SLC44A5: variants seen among roughly 807,000 people sequenced by gnomAD.
SLC44A5 encodes the protein solute carrier family 44 member 5.
A neutral mutation model predicts 101.8 loss-of-function variants in SLC44A5; 57 were observed. The observed-to-expected ratio is 0.56, with a 90% CI of 0.45 to 0.70. SLC44A5 has a LOEUF of 0.70. SLC44A5 is among the 30% of genes least tolerant of loss of function. SLC44A5 has a pLI of 0.00. For missense variants in SLC44A5, 737 were observed against 853.1 expected (o/e 0.86, Z 1.70); for synonymous variants, 281 against 290.9 (o/e 0.97, Z 0.35).
chr1:75,619,088 G>A, the SLC44A5 span, among the ~76,000 whole-genome samples: 1 of 73,786 alleles, frequency 1.4e-5, no homozygotes. Flanking sequence ...AAGGGGGGGG[G>A]GAAGGAAAGA....
intron 1 of SLC44A5, among the ~76,000 whole-genome samples, chr1:75,595,492 A>T (rs1674581171): frequency 6.6e-6 from 1 of 152,156 alleles, no homozygotes; most frequent in Non-Finnish European, 1.5e-5. Context: ...TCCCTATTTG[A>T]AACCTGAAAG....
chr1:75,499,962 C>G (rs1157137079), intron 2 of SLC44A5, among the ~76,000 whole-genome samples: 1 of 152,044 alleles, frequency 6.6e-6, no homozygotes, highest in Admixed American at 6.6e-5. Flanking sequence ...ATTACTAGAC[C>G]CTGCCCATAA....
At chr1:75,466,502 A>C (rs1666825014) in intron 2 of SLC44A5, among the ~76,000 whole-genome samples, 1 of 152,038 alleles carries the variant, frequency 6.6e-6, no homozygotes, top group African/African-American at 2.4e-5. Flanking sequence ...TAAAAATACA[A>C]AAAGTTAGCT....
At chr1:75,615,422 C>T (rs1355139089), upstream of SLC44A5, among the ~76,000 whole-genome samples, 1 of 107,868 alleles carries the variant, frequency 9.3e-6, no homozygotes, top group Non-Finnish European at 1.9e-5. Context: ...CTCTTACACA[C>T]ACACACACAT....
chr1:75,251,431 C>G (rs1203028078), intron 6 of SLC44A5, 137 bp from the exon 7 acceptor site: 7 of 617,290 alleles, frequency 1.1e-5, no homozygotes, highest in Non-Finnish European at 2.0e-5. Flanking sequence ...TTCTCCCTCT[C>G]CCTTAGGTAC....
At chr1:75,486,131 A>C (rs1016921210) in intron 2 of SLC44A5, among the ~76,000 whole-genome samples, 2 of 152,220 alleles carry the variant, frequency 1.3e-5, no homozygotes, top group African/African-American at 4.8e-5. Flanking sequence ...CAATATGACA[A>C]CATTTTCAAA....
chr1:75,709,746 G>GT, the SLC44A5 span, among the ~76,000 whole-genome samples: 7 of 151,652 alleles, frequency 4.6e-5, no homozygotes, highest in Admixed American at 6.6e-5. Flanking sequence ...CCTATTTTTA[G>GT]TTTTTTTTCT....
chr1:75,373,670 C>T (rs549054230), intron 3 of SLC44A5, among the ~76,000 whole-genome samples: 33 of 152,246 alleles, frequency 2.2e-4, no homozygotes, highest in Middle Eastern at 3.4e-3. Context: ...CTGATCCACA[C>T]GCTGCCTTGT....
At chr1:75,545,667 A>T (rs1170397396) in intron 1 of SLC44A5, among the ~76,000 whole-genome samples, 1 of 152,188 alleles carries the variant, frequency 6.6e-6, no homozygotes, top group African/African-American at 2.4e-5. Context: ...CCAGGGAGAT[A>T]CTTTGATGAA....
chr1:75,215,018 T>C (rs1311722840), intron 19 of SLC44A5, among the ~76,000 whole-genome samples: 4 of 152,156 alleles, frequency 2.6e-5, no homozygotes, highest in African/African-American at 7.2e-5. Flanking sequence ...AGGTTAAATA[T>C]TGTAGTCTCT....
At chr1:75,314,687 G>C (rs542756874) in intron 4 of SLC44A5, among the ~76,000 whole-genome samples, 1 of 152,234 alleles carries the variant, frequency 6.6e-6, no homozygotes, top group African/African-American at 2.4e-5. Context: ...ATTCTCAGGA[G>C]ATCAGCATCA....
At chr1:75,536,080 A>G (rs970496639) in intron 2 of SLC44A5, among the ~76,000 whole-genome samples, 6 of 151,704 alleles carry the variant, frequency 4.0e-5, no homozygotes, top group African/African-American at 1.5e-4. Context: ...AGAAATGGCT[A>G]TATGCTTGCT....
chr1:75,318,206 C>T (rs947565875), intron 4 of SLC44A5, among the ~76,000 whole-genome samples: 5 of 151,872 alleles, frequency 3.3e-5, no homozygotes, highest in South Asian at 2.1e-4. Context: ...GTGAGACCTT[C>T]GTCTCTACAC....
chr1:75,577,108 A>C (rs1286164493), intron 1 of SLC44A5, among the ~76,000 whole-genome samples: 2 of 152,100 alleles, frequency 1.3e-5, no homozygotes, highest in African/African-American at 2.4e-5. Flanking sequence ...CTCTATCTTC[A>C]AAATATATCC....
At chr1:75,667,152 C>G in the SLC44A5 span, among the ~76,000 whole-genome samples, 1 of 152,134 alleles carries the variant, frequency 6.6e-6, no homozygotes, top group East Asian at 1.9e-4. Flanking sequence ...TCTCTGTTTG[C>G]AGATGACATG....
intron 2 of SLC44A5, among the ~76,000 whole-genome samples, chr1:75,477,082 C>A (rs1198234359): frequency 6.6e-6 from 1 of 152,230 alleles, no homozygotes; most frequent in Admixed American, 6.5e-5. Context: ...CAGACAGCAG[C>A]GTTCGCGGTT....
At chr1:75,227,685 A>G (rs1647240844) in intron 13 of SLC44A5, 41 bp downstream of exon 13, 3 of 1,493,700 alleles carry the variant, frequency 2.0e-6, no homozygotes, top group Non-Finnish European at 2.7e-6. Flanking sequence ...ATATTTTCTC[A>G]TTATTACAAT....
chr1:75,444,782 AGCAGATGGGAAG>A (rs570918347), intron 2 of SLC44A5, among the ~76,000 whole-genome samples: 10 of 152,128 alleles, frequency 6.6e-5, no homozygotes, highest in Non-Finnish European at 1.2e-4. Flanking sequence ...CACTTGTTTT[AGCAGATGGGAAG>A]GCAGATTAGA....
chr1:75,639,262 G>C, the SLC44A5 span, among the ~76,000 whole-genome samples: 49 of 151,994 alleles, frequency 3.2e-4, no homozygotes, highest in African/African-American at 1.2e-3. Flanking sequence ...AGCTAGATTA[G>C]GTGAATCCAC....
Sources: gnomAD v4.1 joint callset for allele counts (sites outside exome capture counted in the v4.1 genomes callset) on GRCh38, gnomAD v4.1.1 for gene constraint, MANE v1.5 for transcripts, NCBI Gene and HGNC (gene_info 2026-07-23, HGNC 2026-07-21) for gene names.